TERF2: variants seen among roughly 807,000 people sequenced by gnomAD.
The protein encoded by TERF2 is telomeric repeat-binding factor 2.
A neutral mutation model predicts 56.1 loss-of-function variants in TERF2; 16 were observed. The ratio of observed to expected loss-of-function variants is 0.29; its 90% confidence interval spans 0.19 to 0.43. The LOEUF is 0.43. Ranked by LOEUF, TERF2 falls within the 20% of genes least tolerant of loss-of-function variation. TERF2 has a pLI of 1.00. For missense variants in TERF2, 547 were observed against 712.9 expected (o/e 0.77, Z 2.65); for synonymous variants, 296 against 282.1 (o/e 1.05, Z -0.50).
chr16:69,375,717 C>T (rs1025973117), intron 3 of TERF2, among the ~76,000 whole-genome samples: 1 of 152,078 alleles, frequency 6.6e-6, no homozygotes, highest in Non-Finnish European at 1.5e-5. Flanking sequence ...GCCCAAGTAG[C>T]AGGATTATAG....
chr16:69,374,776 G>A (rs1444541358), intron 3 of TERF2, among the ~76,000 whole-genome samples: 1 of 151,294 alleles, frequency 6.6e-6, no homozygotes, highest in African/African-American at 2.4e-5. Flanking sequence ...GACCAGCCTG[G>A]TCAGCATGTG....
chr16:69,377,997 AG>A (rs891548216), intron 3 of TERF2, among the ~76,000 whole-genome samples: 1 of 152,140 alleles, frequency 6.6e-6, no homozygotes, highest in Non-Finnish European at 1.5e-5. Flanking sequence ...ACAAGTGGTG[AG>A]CATTCCAATT....
intron 8 of TERF2, among the ~76,000 whole-genome samples, chr16:69,360,970 C>G (rs967393304): frequency 2.6e-5 from 4 of 152,164 alleles, no homozygotes; most frequent in Non-Finnish European, 5.9e-5. Context: ...CAGTGACTCA[C>G]ATCTGTAATC....
intron 9 of TERF2, 93 bp downstream of exon 9, chr16:69,357,425 G>A (rs2012944929): frequency 1.9e-6 from 2 of 1,058,680 alleles, no homozygotes; most frequent in Non-Finnish European, 1.4e-6. Context: ...TTTTTACTGG[G>A]TACATAACCA....
intron 5 of TERF2, among the ~76,000 whole-genome samples, chr16:69,369,153 G>A (rs564998998): frequency 1.3e-5 from 1 of 76,420 alleles, no homozygotes; most frequent in African/African-American, 6.9e-5. Flanking sequence ...CCAGTTACCT[G>A]GAATGGAAAG....
intron 5 of TERF2, 171 bp from the exon 6 acceptor site, chr16:69,368,653 GCTTT>G: frequency 1.3e-6 from 2 of 1,504,720 alleles, no homozygotes; most frequent in Non-Finnish European, 1.8e-6. Flanking sequence ...TATAAATCAA[GCTTT>G]TTTTATTCAA....
chr16:69,384,740 G>T, intron 2 of TERF2, 30 bp from the exon 3 acceptor site: 1 of 1,559,336 alleles, frequency 6.4e-7, no homozygotes, highest in South Asian at 1.3e-5. Flanking sequence ...TCATTTTTAA[G>T]CTCTTTTCTA....
At chr16:69,374,303 A>G (rs911417281) in intron 3 of TERF2, among the ~76,000 whole-genome samples, 1 of 151,914 alleles carries the variant, frequency 6.6e-6, no homozygotes, top group Admixed American at 6.6e-5. Flanking sequence ...AGGATCCAAA[A>G]CCCTGCCTTG....
chr16:69,372,063 T>A (rs1037500392), intron 4 of TERF2, among the ~76,000 whole-genome samples: 5 of 152,248 alleles, frequency 3.3e-5, no homozygotes, highest in African/African-American at 1.2e-4. Context: ...GAATAATTTA[T>A]GTCAATTTCT....
At chr16:69,359,393 T>C (rs2013041583) in intron 8 of TERF2, among the ~76,000 whole-genome samples, 1 of 151,758 alleles carries the variant, frequency 6.6e-6, no homozygotes, top group South Asian at 2.1e-4. Context: ...CTGGGAGTGG[T>C]GGCACATACC....
chr16:69,362,702 T>G (rs987929755), intron 7 of TERF2, among the ~76,000 whole-genome samples: 1 of 152,226 alleles, frequency 6.6e-6, no homozygotes, highest in Non-Finnish European at 1.5e-5. Flanking sequence ...TTTCTTCTAA[T>G]CAACTTTGCA....
At chr16:69,361,940 C>T (rs1000575206) in intron 7 of TERF2, among the ~76,000 whole-genome samples, 1 of 150,476 alleles carries the variant, frequency 6.6e-6, no homozygotes, top group East Asian at 1.9e-4. Flanking sequence ...ATTCCACTAG[C>T]CTCTTAACTA....
At chr16:69,373,151 TGAAG>T (rs1165216443) in intron 3 of TERF2, among the ~76,000 whole-genome samples, 1 of 152,138 alleles carries the variant, frequency 6.6e-6, no homozygotes. Flanking sequence ...TGTAGGAGAA[TGAAG>T]GGACAACCCC....
chr16:69,361,608 G>A lies in TERF2; in HGVS notation c.1341-119C>T, dbSNP rs540906328. On this transcript the variant is annotated intron_variant, in intron 7 of 9. Coordinates refer to ENST00000254942, the MANE Select transcript of TERF2 (RefSeq NM_005652.5). ...TTCCTGTCCCGTTGTGACCACAATC[G>A]AGGTTCGCCTGCATGCACCTCCCAA... 353 of 742,260 alleles carry A rather than the reference G, an allele frequency of 4.8e-4. 1 individual carries two copies. The highest frequency in any genetic ancestry group is 7.6e-4 in the Admixed American group (36 of 47,244). The allele number at this position is 742,260 out of a possible 1,614,324, so 46.0% of individuals were successfully genotyped here. A position where few individuals can be genotyped will look rare whatever the true frequency, so the allele number is the denominator to read the frequency against.
chr16:69,384,159 C>G (rs763520250), intron 3 of TERF2, among the ~76,000 whole-genome samples: 2 of 152,218 alleles, frequency 1.3e-5, no homozygotes, highest in Non-Finnish European at 2.9e-5. Context: ...AAGGGATATT[C>G]TCTAAGCCCC....
At chr16:69,384,807 G>A (rs917613814) in intron 2 of TERF2, 97 bp from the exon 3 acceptor site, 4 of 1,123,434 alleles carry the variant, frequency 3.6e-6, no homozygotes, top group Non-Finnish European at 3.6e-6. Context: ...AATGGAGCAT[G>A]CAAATATGGT....
chr16:69,361,489 T>C lies in TERF2; in HGVS notation c.1341A>G (p.Lys447=). Residue 447 remains lysine (K), a splice_region_variant and synonymous_variant, in exon 8 of 10, where the codon AAA becomes AAG. Transcript: ENST00000254942. ...NQPLPGEKNP[K]VPKGKWNSSN... ...AGCTGTTCCACTTGCCTTTGGGTAC[T>C]CTGAGGGGAGATCAAGGAGAGCACA... 6 of 1,609,972 alleles carry C rather than the reference T, an allele frequency of 3.7e-6. No individual in the cohort carries two copies. The highest frequency in any genetic ancestry group is 5.1e-6 in the Non-Finnish European group (6 of 1,176,248).
At chr16:69,363,322 G>T (rs566482129) in intron 7 of TERF2, among the ~76,000 whole-genome samples, 2 of 152,270 alleles carry the variant, frequency 1.3e-5, no homozygotes, top group South Asian at 4.1e-4. Context: ...AGTCTTCACA[G>T]GTCACCTTCT....
At chr16:69,361,553 G>C in intron 7 of TERF2, 64 bp from the exon 8 acceptor site, 1 of 1,203,996 alleles carries the variant, frequency 8.3e-7, no homozygotes, top group East Asian at 2.3e-5. Context: ...CCCAGATTCT[G>C]GTCTTGGCTC....
Sources: gnomAD v4.1 joint callset for allele counts (sites outside exome capture counted in the v4.1 genomes callset) on GRCh38, gnomAD v4.1.1 for gene constraint, MANE v1.5 for transcripts, NCBI Gene and HGNC (gene_info 2026-07-23, HGNC 2026-07-21) for gene names.